GNG8: variants seen among roughly 807,000 people sequenced by gnomAD.
GNG8 encodes guanine nucleotide-binding protein G(I)/G(S)/G(O) subunit gamma-8.
GNG8 carries 3 observed loss-of-function variants against 4.6 expected under a neutral mutation model. The observed-to-expected ratio is 0.65, with a 90% CI of 0.29 to 1.67. GNG8 has a LOEUF of 1.67. Ranked by LOEUF, GNG8 falls within the 40% of genes most tolerant of loss-of-function variation. The pLI is 0.10. For synonymous variants in GNG8, 32 were observed against 40.5 expected, an observed-to-expected ratio of 0.79 and a Z score of 0.80; for missense variants, 88 against 95.2, an observed-to-expected ratio of 0.92 and a Z score of 0.32.
chr19:46,634,289 T>G, intron 2 of GNG8, 85 bp from the exon 3 acceptor site: 1 of 1,436,270 alleles, frequency 7.0e-7, no homozygotes, highest in East Asian at 2.5e-5. Flanking sequence ...CCCTGTCCCC[T>G]CCTCCCACCT....
At chr19:46,635,249 G>A (rs1204372506) in intron 1 of GNG8, among the ~76,000 whole-genome samples, 3 of 151,690 alleles carry the variant, frequency 2.0e-5, no homozygotes, top group Admixed American at 2.0e-4. Flanking sequence ...GCAGAGGGCT[G>A]GGGGAGCCCA....
At chr19:46,637,824 C>G (rs2052878387), upstream of GNG8, 1 of 152,946 alleles carries the variant, frequency 6.5e-6, no homozygotes, top group Admixed American at 6.5e-5. Context: ...AGGCTGATCT[C>G]AAACTCCTGG....
chr19:46,634,273 C>T, intron 2 of GNG8, 69 bp from the exon 3 acceptor site: 2 of 1,512,696 alleles, frequency 1.3e-6, no homozygotes, highest in Non-Finnish European at 1.8e-6. Flanking sequence ...TAGGCCCCGC[C>T]TCTTGCCCTG....
Sources: gnomAD v4.1 joint callset for allele counts (sites outside exome capture counted in the v4.1 genomes callset) on GRCh38, gnomAD v4.1.1 for gene constraint, MANE v1.5 for transcripts, NCBI Gene and HGNC (gene_info 2026-07-23, HGNC 2026-07-21) for gene names.